The following GAS7 variants were observed in gnomAD, a reference collection of about 807,000 sequenced individuals.
GAS7 encodes growth arrest-specific protein 7.
A neutral mutation model predicts 71.1 loss-of-function variants in GAS7; 28 were observed. The ratio of observed to expected loss-of-function variants is 0.39; its 90% CI spans 0.29 to 0.54. The LOEUF (loss-of-function observed/expected upper bound fraction) is 0.54. Ranked by LOEUF, GAS7 falls within the 20% of genes least tolerant of loss-of-function variation. The pLI, the probability that GAS7 is intolerant of heterozygous loss-of-function variation, is 0.62. For synonymous variants in GAS7, 258 were observed against 245.8 expected (o/e 1.05, Z -0.46); for missense variants, 436 against 627.8 (o/e 0.69, Z 3.27).
At chr17:10,150,204 C>G (rs1386533635) in intron 1 of GAS7, among the ~76,000 whole-genome samples, 2 of 152,070 alleles carry the variant, frequency 1.3e-5, no homozygotes, top group African/African-American at 2.4e-5. Context: ...GGGCAGCATA[C>G]CAGGTGATGA....
At chr17:10,091,054 G>C (rs1444404435) in intron 1 of GAS7, among the ~76,000 whole-genome samples, 2 of 151,902 alleles carry the variant, frequency 1.3e-5, no homozygotes, top group African/African-American at 4.8e-5. Context: ...CCCTACCAAG[G>C]GCCACGCACA....
At chr17:10,005,449 G>A (rs1480876971) in intron 2 of GAS7, among the ~76,000 whole-genome samples, 1 of 151,378 alleles carries the variant, frequency 6.6e-6, no homozygotes, top group Non-Finnish European at 1.5e-5. Context: ...CCCAAACTCA[G>A]ACACCCACAG....
At chr17:9,934,050 G>T in intron 9 of GAS7, 116 bp downstream of exon 9, 1 of 742,682 alleles carries the variant, frequency 1.3e-6, no homozygotes, top group Non-Finnish European at 2.5e-6. Context: ...CATGTTGATA[G>T]CCTGAAGTTT....
chr17:10,005,509 A>AAG (rs912416370), intron 2 of GAS7, among the ~76,000 whole-genome samples: 1 of 151,634 alleles, frequency 6.6e-6, no homozygotes, highest in African/African-American at 2.4e-5. Flanking sequence ...TATTAAAAAA[A>AAG]ATGGCAGGTA....
At chr17:9,943,062 A>ACGGGGCCC (rs1462657444) in intron 7 of GAS7, 59 bp downstream of exon 7, 8 of 1,121,122 alleles carry the variant, frequency 7.1e-6, no homozygotes, top group East Asian at 4.7e-5. Flanking sequence ...CGCCCCGGCC[A>ACGGGGCCC]CGGGGCCCCG....
At chr17:10,170,199 G>T (rs2074325746) in intron 1 of GAS7, among the ~76,000 whole-genome samples, 1 of 151,790 alleles carries the variant, frequency 6.6e-6, no homozygotes, top group Non-Finnish European at 1.5e-5. Context: ...GCAGCAGAGT[G>T]ATCCTTGTAA....
intron 1 of GAS7, among the ~76,000 whole-genome samples, chr17:10,186,401 G>T (rs1424447504): frequency 7.9e-6 from 1 of 126,948 alleles, no homozygotes; most frequent in African/African-American, 3.3e-5. Context: ...GTATTCAAAG[G>T]CTTTTTTTTT....
At chr17:10,066,769 T>C (rs1316732759) in intron 1 of GAS7, among the ~76,000 whole-genome samples, 2 of 152,188 alleles carry the variant, frequency 1.3e-5, no homozygotes, top group South Asian at 2.1e-4. Flanking sequence ...CTTTCTCTGC[T>C]TGGATTGGCT....
chr17:10,197,300 A>T (rs1162950112), intron 1 of GAS7, among the ~76,000 whole-genome samples: 1 of 152,184 alleles, frequency 6.6e-6, no homozygotes, highest in Non-Finnish European at 1.5e-5. Flanking sequence ...TTTTACCAGA[A>T]TGTTTAGGAA....
chr17:10,133,155 G>A (rs529138749), intron 1 of GAS7, among the ~76,000 whole-genome samples: 1 of 140,414 alleles, frequency 7.1e-6, no homozygotes, highest in East Asian at 2.0e-4. Context: ...ATGGAGTCTC[G>A]CTCTGTCGCC....
At chr17:9,925,426 C>A in intron 11 of GAS7, 50 bp downstream of exon 11, 1 of 1,594,946 alleles carries the variant, frequency 6.3e-7, no homozygotes, top group South Asian at 1.1e-5. Context: ...AGCCCCGTGC[C>A]CTCTCCTTCT....
chr17:10,004,788 G>A (rs1385666036), intron 2 of GAS7, among the ~76,000 whole-genome samples: 1 of 152,162 alleles, frequency 6.6e-6, no homozygotes, highest in Non-Finnish European at 1.5e-5. Flanking sequence ...AAGGAGGGCA[G>A]ATCACGAGGT....
intron 1 of GAS7, among the ~76,000 whole-genome samples, chr17:10,047,694 G>A (rs2072999512): frequency 6.6e-6 from 1 of 152,074 alleles, no homozygotes; most frequent in African/African-American, 2.4e-5. Flanking sequence ...AAAGCAGTTC[G>A]AATAAAAAGG....
chr17:10,198,183 T>C (rs1187116928), intron 1 of GAS7, 25 bp downstream of exon 1: 1 of 1,600,702 alleles, frequency 6.2e-7, no homozygotes, highest in Non-Finnish European at 8.5e-7. Flanking sequence ...CCCCGGCTCC[T>C]ACAGCCCCGG....
In GAS7 at chr17:9,912,434, CA is replaced by C. The variant is rs2067463593; in HGVS notation, c.*4793del. 4.3e-6 allele frequency: 1 copy of C among 233,182 alleles called. No individual in the cohort carries two copies. Among genetic ancestry groups the C allele is most frequent in the Admixed American group, 5.6e-5 (1 of 17,784 alleles). The allele number at this position is 233,182 out of a possible 1,614,324, so 14.4% of individuals were successfully genotyped here. A position where few individuals can be genotyped will look rare whatever the true frequency, so the allele number is the denominator to read the frequency against. ...TCCAGGAAAGCATCATGATGAGCCC[CA>C]GGGCCAGCCCCAGCCTTCTTGTCCA... On this transcript the variant is annotated 3_prime_UTR_variant, in exon 14 of 14. Transcript: ENST00000432992.
chr17:9,934,501 G>T (rs547513862), intron 8 of GAS7, among the ~76,000 whole-genome samples: 20 of 152,116 alleles, frequency 1.3e-4, no homozygotes, highest in African/African-American at 4.6e-4. Flanking sequence ...CAAGAGGTGG[G>T]GGGGGTGGGG....
intron 1 of GAS7, among the ~76,000 whole-genome samples, chr17:10,047,137 G>A (rs1401746668): frequency 6.6e-6 from 1 of 152,132 alleles, no homozygotes; most frequent in Non-Finnish European, 1.5e-5. Context: ...AAACAAGAGA[G>A]CAGGAAGTGC....
chr17:10,139,783 T>G (rs930690818), intron 1 of GAS7, among the ~76,000 whole-genome samples: 2 of 152,256 alleles, frequency 1.3e-5, no homozygotes, highest in African/African-American at 4.8e-5. Flanking sequence ...GCAGAGATTC[T>G]GCAGCTCAAA....
chr17:10,053,539 C>T (rs796221166), intron 1 of GAS7, among the ~76,000 whole-genome samples: 5 of 152,298 alleles, frequency 3.3e-5, no homozygotes, highest in African/African-American at 9.6e-5. Flanking sequence ...TAGGGTCACA[C>T]ACCACCAGCC....
Sources: gnomAD v4.1 joint callset for allele counts (sites outside exome capture counted in the v4.1 genomes callset) on GRCh38, gnomAD v4.1.1 for gene constraint, MANE v1.5 for transcripts, NCBI Gene and HGNC (gene_info 2026-07-23, HGNC 2026-07-21) for gene names.